The following ERICH2 variants were observed in gnomAD, a reference collection of about 807,000 sequenced individuals.
ERICH2 encodes the protein glutamate rich 2.
ERICH2 carries 17 observed loss-of-function variants against 17.4 expected under a neutral mutation model. The ratio of observed to expected loss-of-function variants is 0.98; its 90% CI spans 0.67 to 1.47. ERICH2 has a LOEUF of 1.47. ERICH2 is among the 40% of genes most tolerant of loss of function. The pLI is 0.00. For missense variants in ERICH2, 186 were observed against 183.2 expected, an observed-to-expected ratio of 1.01 and a Z score of -0.09; for synonymous variants, 51 against 61.1, an observed-to-expected ratio of 0.83 and a Z score of 0.77.
chr2:170,777,858 A>G, the ERICH2 span: 1 of 401,972 alleles, frequency 2.5e-6, no homozygotes, highest in Non-Finnish European at 4.4e-6. Flanking sequence ...GGACAGTTAA[A>G]ATGAAAAATG....
intron 2 of ERICH2, among the ~76,000 whole-genome samples, chr2:170,786,678 A>AT (rs1232430313): frequency 6.6e-6 from 1 of 151,550 alleles, no homozygotes; most frequent in South Asian, 2.1e-4. Context: ...TACCACTTAA[A>AT]TTTTTTTCAG....
upstream of ERICH2, among the ~76,000 whole-genome samples, chr2:170,781,582 G>A (rs996076857): frequency 1.3e-5 from 2 of 150,812 alleles, no homozygotes; most frequent in Non-Finnish European, 2.9e-5. Context: ...GCAGTGAGCC[G>A]AGATCGCGTC....
chr2:170,774,564 C>CTTCTTTTTTTTTTTTTTTT, the ERICH2 span, among the ~76,000 whole-genome samples: 6 of 98,574 alleles, frequency 6.1e-5, 1 homozygote, highest in African/African-American at 2.1e-4. Context: ...AGAGCCCCAT[C>CTTCTTTTTTTTTTTTTTTT]TTTTTTTTTT....
At chr2:170,793,853 A>G (rs1701347328) in intron 3 of ERICH2, among the ~76,000 whole-genome samples, 1 of 152,140 alleles carries the variant, frequency 6.6e-6, no homozygotes, top group South Asian at 2.1e-4. Flanking sequence ...TGTACTGTTC[A>G]GGGCATTTGC....
chr2:170,796,428 G>GTTTTTTTTTTT (rs869301301), intron 3 of ERICH2, among the ~76,000 whole-genome samples: 6 of 114,548 alleles, frequency 5.2e-5, no homozygotes, highest in Admixed American at 3.1e-4. Context: ...CTCTCTCTTT[G>GTTTTTTTTTTT]TTTTTTTTTT....
chr2:170,786,937 C>G (rs1009869363), intron 2 of ERICH2, among the ~76,000 whole-genome samples: 18 of 152,238 alleles, frequency 1.2e-4, no homozygotes, highest in African/African-American at 3.9e-4. Context: ...TGCCTGCCTG[C>G]TATTCTATCG....
At chr2:170,791,405 A>G (rs1701284346) in intron 2 of ERICH2, among the ~76,000 whole-genome samples, 1 of 152,128 alleles carries the variant, frequency 6.6e-6, no homozygotes, top group South Asian at 2.1e-4. Flanking sequence ...GTAGTACAGC[A>G]GTCAAACCTT....
intron 2 of ERICH2, among the ~76,000 whole-genome samples, chr2:170,790,145 A>T (rs1181559250): frequency 6.6e-6 from 1 of 152,258 alleles, no homozygotes; most frequent in African/African-American, 2.4e-5. Flanking sequence ...AACAAATTAA[A>T]ACCACTTAAA....
At chr2:170,796,280 C>T (rs1026434658) in intron 3 of ERICH2, among the ~76,000 whole-genome samples, 45 of 152,254 alleles carry the variant, frequency 3.0e-4, no homozygotes, top group Admixed American at 7.8e-4. Context: ...CATGCTAACC[C>T]AGATTGATGA....
In ERICH2 at chr2:170,787,690, G is replaced by GA. The variant is rs1298917214; in HGVS notation, c.216+2861dup. On this transcript the variant is annotated intron_variant, in intron 2 of 4. Transcript: ENST00000409885. ...TCTTTGTGAAACTCCCTCCTCTTTT[G>GA]AAAATTATAGCCACCTTGGCTATAA... Among the ~76,000 whole-genome samples, 5 of 152,222 alleles carry GA rather than the reference G, an allele frequency of 3.3e-5. No individual in the cohort carries two copies. The East Asian group carries it at 5.8e-4, about 18-fold the overall frequency.
intron 2 of ERICH2, among the ~76,000 whole-genome samples, chr2:170,789,601 G>C (rs1368017249): frequency 6.6e-6 from 1 of 152,018 alleles, no homozygotes; most frequent in Non-Finnish European, 1.5e-5. Context: ...TAATTTTGGA[G>C]TGTTAGATAA....
intron 2 of ERICH2, among the ~76,000 whole-genome samples, chr2:170,791,527 T>TAAAA (rs10658304): frequency 5.8e-5 from 7 of 121,586 alleles, no homozygotes; most frequent in East Asian, 2.3e-4. Context: ...CCGTCTCTAC[T>TAAAA]AAAAAAAAAA....
At chr2:170,797,950 T>C in intron 3 of ERICH2, 91 bp from the exon 9 acceptor site, 1 of 823,704 alleles carries the variant, frequency 1.2e-6, no homozygotes, top group East Asian at 2.7e-5. Flanking sequence ...TCACCTGCTC[T>C]GACTGACAGT....
the ERICH2 span, chr2:170,777,691 G>A: frequency 8.1e-7 from 1 of 1,232,700 alleles, no homozygotes; most frequent in Non-Finnish European, 1.0e-6. Context: ...GTAAGAAGAT[G>A]TCTTTGATTG....
intron 2 of ERICH2, 114 bp downstream of exon 7, chr2:170,784,947 G>A: frequency 1.1e-6 from 1 of 877,064 alleles, no homozygotes; most frequent in Non-Finnish European, 1.6e-6. Flanking sequence ...CATGGAGGCA[G>A]AACATAGAAT....
chr2:170,797,530 T>G (rs2883887), intron 3 of ERICH2, among the ~76,000 whole-genome samples: 143,444 of 152,218 alleles, frequency 0.94, 68,167 homozygotes, highest in East Asian at 1. Flanking sequence ...GGGTGCAGTG[T>G]CTCATGCCTG....
intron 3 of ERICH2, among the ~76,000 whole-genome samples, chr2:170,797,795 G>GA (rs767126097): frequency 5.6e-4 from 80 of 141,824 alleles, no homozygotes; most frequent in South Asian, 3.1e-3. Context: ...CTGTCTCAGG[G>GA]AAAAAAAAAA....
chr2:170,786,847 TA>T (rs1701170909), intron 2 of ERICH2, among the ~76,000 whole-genome samples: 1 of 152,234 alleles, frequency 6.6e-6, no homozygotes, highest in Non-Finnish European at 1.5e-5. Flanking sequence ...TAAGATTTTT[TA>T]TACCTATTAT....
exon 1 of ERICH2, chr2:170,783,807 G>A (rs1330784632): frequency 1.9e-6 from 3 of 1,550,300 alleles, no homozygotes; most frequent in Non-Finnish European, 2.6e-6. Context: ...CAGGCTAGGT[G>A]CACACTGGAC....
Sources: gnomAD v4.1 joint callset for allele counts (sites outside exome capture counted in the v4.1 genomes callset) on GRCh38, gnomAD v4.1.1 for gene constraint, MANE v1.5 for transcripts, NCBI Gene and HGNC (gene_info 2026-07-23, HGNC 2026-07-21) for gene names.